Variants in CCDC102B observed in about 807,000 individuals in gnomAD.
The protein encoded by CCDC102B is coiled-coil domain-containing protein 102B.
A neutral mutation model predicts 57.4 loss-of-function variants in CCDC102B; 75 were observed. That is an observed-to-expected ratio of 1.31 (90% CI 1.08 to 1.58). CCDC102B has a LOEUF of 1.58. CCDC102B is among the 40% of genes most tolerant of loss of function. The pLI is 0.00. For missense variants in CCDC102B, 636 were observed against 582.6 expected (o/e 1.09, Z -0.94); for synonymous variants, 206 against 201.9 (o/e 1.02, Z -0.17).
At chr18:68,916,839 T>C (rs17079874) in intron 6 of CCDC102B, among the ~76,000 whole-genome samples, 1 of 152,162 alleles carries the variant, frequency 6.6e-6, no homozygotes, top group Non-Finnish European at 1.5e-5. Flanking sequence ...AGGAAATCGG[T>C]ACCTGGGTAG....
At chr18:68,715,257 A>G (rs1254701206) in exon 1 of CCDC102B, 3 of 1,330,472 alleles carry the variant, frequency 2.3e-6, no homozygotes, top group Admixed American at 7.3e-5. Context: ...CACGCCCAGG[A>G]GCGTGGGAAC....
chr18:68,722,112 A>G (rs2032364420), intron 2 of CCDC102B, among the ~76,000 whole-genome samples: 1 of 152,204 alleles, frequency 6.6e-6, no homozygotes, highest in Non-Finnish European at 1.5e-5. Context: ...ATGGCTTCTG[A>G]GAATTTTAGA....
rs146661615 is a variant in CCDC102B, at chr18:68,952,313, A to T, written c.1263+54885A>T. Among the ~76,000 whole-genome samples the T allele has an allele frequency of 2.6e-4, 40 of 152,224 alleles. 2 individuals carry two copies. The East Asian group carries it at 6.6e-3, about 25-fold the overall frequency. ...CAACTACCTTAGACTTCACAAAATC[A>T]TAATAATCAAATACATAAAATCATA... On this transcript the variant is annotated intron_variant, in intron 6 of 7. Coordinates refer to ENST00000360242, the MANE Select transcript of CCDC102B (RefSeq NM_024781.3).
chr18:68,934,096 C>T (rs1162724922), intron 6 of CCDC102B, among the ~76,000 whole-genome samples: 3 of 151,878 alleles, frequency 2.0e-5, no homozygotes, highest in African/African-American at 7.2e-5. Context: ...TGTCCACATT[C>T]ACAGGTAATG....
At chr18:68,959,284 T>C (rs1251509941) in intron 6 of CCDC102B, among the ~76,000 whole-genome samples, 1 of 152,158 alleles carries the variant, frequency 6.6e-6, no homozygotes, top group Non-Finnish European at 1.5e-5. Flanking sequence ...GCCTTGGTAG[T>C]CTTGGGTAAC....
intron 6 of CCDC102B, among the ~76,000 whole-genome samples, chr18:69,000,428 T>C (rs28473518): frequency 0.035 from 5,381 of 152,246 alleles, 329 homozygotes; most frequent in African/African-American, 0.12. Flanking sequence ...ATAGCCTATT[T>C]AACTATTCTT....
At chr18:68,884,960 A>G (rs182439928) in intron 5 of CCDC102B, among the ~76,000 whole-genome samples, 3 of 152,048 alleles carry the variant, frequency 2.0e-5, no homozygotes, top group East Asian at 3.9e-4. Context: ...GCCACTGTCT[A>G]TATACATTAT....
At chr18:69,005,197 A>G (rs1000076203) in intron 6 of CCDC102B, among the ~76,000 whole-genome samples, 12 of 152,290 alleles carry the variant, frequency 7.9e-5, no homozygotes, top group African/African-American at 2.9e-4. Flanking sequence ...ATCTGAGTCA[A>G]CTTTCGAGAA....
intron 6 of CCDC102B, among the ~76,000 whole-genome samples, chr18:68,928,118 G>A (rs933276309): frequency 4.6e-5 from 7 of 151,854 alleles, no homozygotes; most frequent in African/African-American, 1.7e-4. Flanking sequence ...TGATTATACT[G>A]TATTCAAAGG....
At chr18:68,868,734 A>G (rs1015387468) in intron 4 of CCDC102B, among the ~76,000 whole-genome samples, 1 of 152,222 alleles carries the variant, frequency 6.6e-6, no homozygotes, top group East Asian at 1.9e-4. Flanking sequence ...GTGTATCAAC[A>G]TGAAGGCAAT....
At position 68,880,339 on chromosome 18, in the gene CCDC102B, A is replaced by G. The variant is rs1260500905; in HGVS notation, c.1053+5554A>G. 8.5e-5 allele frequency among the ~76,000 whole-genome samples: 13 copies of G among 152,312 alleles called. No homozygotes were observed. In the East Asian group the frequency reaches 2.5e-3, roughly 30 times the overall value. On this transcript the variant is annotated intron_variant, in intron 5 of 7. Coordinates refer to ENST00000360242, the MANE Select transcript of CCDC102B (RefSeq NM_024781.3). ...CACCCGGAACTCCAGCTGGCCCGCA[A>G]GCACCGCGCGCAGCCCCGGTTCCTG...
intron 2 of CCDC102B, among the ~76,000 whole-genome samples, chr18:68,741,813 G>A (rs187311106): frequency 1.4e-4 from 21 of 152,256 alleles, no homozygotes; most frequent in African/African-American, 4.3e-4. Flanking sequence ...TGAGAGAACA[G>A]ACAAAGTTGT....
chr18:69,039,725 A>G (rs2052383390), intron 7 of CCDC102B, among the ~76,000 whole-genome samples: 1 of 151,922 alleles, frequency 6.6e-6, no homozygotes. Context: ...TGCAATGTTT[A>G]ATAAATTTAT....
chr18:68,854,306 G>A (rs2038284320), intron 4 of CCDC102B, among the ~76,000 whole-genome samples: 1 of 152,002 alleles, frequency 6.6e-6, no homozygotes, highest in Non-Finnish European at 1.5e-5. Context: ...CTCCATGTTA[G>A]TTAGGCTGGT....
intron 7 of CCDC102B, among the ~76,000 whole-genome samples, chr18:69,022,224 A>ATATATATATAT (rs1568131201): frequency 2.7e-5 from 3 of 111,814 alleles, no homozygotes; most frequent in African/African-American, 9.7e-5. Flanking sequence ...TATATATATA[A>ATATATATATAT]CACACACACA....
intron 1 of CCDC102B, among the ~76,000 whole-genome samples, chr18:68,811,274 A>G (rs986871931): frequency 6.6e-6 from 1 of 152,184 alleles, no homozygotes; most frequent in Non-Finnish European, 1.5e-5. Flanking sequence ...GTATAAAACA[A>G]TATACAGCCT....
intron 4 of CCDC102B, among the ~76,000 whole-genome samples, chr18:68,850,047 T>C (rs112799843): frequency 2.6e-4 from 40 of 152,172 alleles, no homozygotes; most frequent in African/African-American, 9.4e-4. Flanking sequence ...CACAGATGAG[T>C]ACTCATTTGT....
Position 68,957,999 on chromosome 18 carries a change from T to C in CCDC102B, c.1264-52935T>C, listed in dbSNP as rs901198938. Among the ~76,000 whole-genome samples the C allele has an allele frequency of 3.9e-5, 6 of 152,296 alleles. No individual in the cohort carries two copies. In the South Asian group the frequency reaches 6.2e-4, roughly 16 times the overall value. The stretch of plus-strand genomic sequence containing the variant: ...TTACAAAAGAGAGGTTTAATGGACT[T>C]ACAGTTCCACGTGGCTGGGGAGGCC... On this transcript the variant is annotated intron_variant, in intron 6 of 7. Transcript: ENST00000360242.
Position 69,021,783 on chromosome 18 carries a change from T to G in CCDC102B, c.1434+10679T>G, listed in dbSNP as rs141948141. Among the ~76,000 whole-genome samples, 662 of 152,318 alleles carry G rather than the reference T, an allele frequency of 4.3e-3. 4 individuals carry two copies. The highest frequency in any genetic ancestry group is 0.015 in the African/African-American group (625 of 41,562). ...TGTGCCTCTAGCACTGCCAGCTCTG[T>G]CGTGCTGCCCAAAATGAAGACATCA... On this transcript the variant is annotated intron_variant, in intron 7 of 7. Transcript: ENST00000360242.
Sources: allele counts gnomAD v4.1 joint callset (sites outside exome capture counted in the v4.1 genomes callset), GRCh38; gene constraint gnomAD v4.1.1; transcripts MANE v1.5; gene names NCBI Gene and HGNC (gene_info 2026-07-23, HGNC 2026-07-21).